Variants in ATP6V0A2 observed in about 807,000 individuals in gnomAD.
ATP6V0A2 encodes V-type proton ATPase 116 kDa subunit a 2.
In ATP6V0A2, 58 loss-of-function variants were observed where a neutral mutation model predicts 104.4. That is an observed-to-expected ratio of 0.56 (90% CI 0.45 to 0.69). The LOEUF (loss-of-function observed/expected upper bound fraction) is 0.69, where lower values mean the gene tolerates loss of function less well. Ranked by LOEUF, ATP6V0A2 falls within the 30% of genes least tolerant of loss-of-function variation. ATP6V0A2 has a pLI of 0.00. For missense variants in ATP6V0A2, 938 were observed against 1,062.9 expected (o/e 0.88, Z 1.63); for synonymous variants, 376 against 397.9 (o/e 0.95, Z 0.65).
Position 123,744,761 on chromosome 12 carries a change from G to C in ATP6V0A2, c.1491G>C (p.Glu497Asp). ...AMYSSSHPPAEHKKMVLWNDS... is the reference protein window; with the variant it reads ...AMYSSSHPPADHKKMVLWNDS... ...ACAGCTCCAGCCACCCACCCGCAGAGCATAAGAAGATGGTGCTTTGGAAGT... is the reference window on the plus strand; with the variant it reads ...ACAGCTCCAGCCACCCACCCGCAGACCATAAGAAGATGGTGCTTTGGAAGT... The change falls in exon 12 of 20, where the codon GAG (glutamate) becomes GAC (aspartate). Residue 497 changes from glutamate to aspartate, a missense_variant. Physicochemically the swap from Glu to Asp is conservative, Grantham distance 45 (BLOSUM62 2). Coordinates refer to ENST00000330342, the MANE Select transcript of ATP6V0A2 (RefSeq NM_012463.4). This position sits in a 1 kb window ranked among gnomAD's most constrained non-coding sequence, Gnocchi z 5.4. 6.2e-7 allele frequency: 1 copy of C among 1,614,166 alleles called. No homozygotes were observed. The highest frequency in any genetic ancestry group is 1.1e-5 in the South Asian group (1 of 91,070).
chr12:123,727,708 C>A, intron 5 of ATP6V0A2, 75 bp from the exon 6 acceptor site: 1 of 1,573,582 alleles, frequency 6.4e-7, no homozygotes, highest in South Asian at 1.1e-5. Context: ...GAAATGAAGT[C>A]TTCATCATTC....
Position 123,751,114 on chromosome 12 carries a change from AT to A in ATP6V0A2, c.1941del (p.Tyr647Ter). The A allele has an allele frequency of 6.2e-7, 1 of 1,614,146 alleles. No homozygotes were observed. The highest frequency in any genetic ancestry group is 8.5e-7 in the Non-Finnish European group (1 of 1,180,018). ...KTSGLYTGQE[Y>X]VQRVLLVVTA... Reference sequence around the variant, plus strand: ...TCTCACCTTCTGCACTAACAGGAGTATGTCCAGAGAGTGCTGCTGGTTGTCA... The same window carrying A: ...TCTCACCTTCTGCACTAACAGGAGTAGTCCAGAGAGTGCTGCTGGTTGTCA... On this transcript the variant is annotated frameshift_variant, in exon 16 of 20. Coordinates refer to ENST00000330342, the MANE Select transcript of ATP6V0A2 (RefSeq NM_012463.4). LOFTEE classifies it high-confidence loss of function.
chr12:123,716,078 T>G (rs914980562), intron 1 of ATP6V0A2, among the ~76,000 whole-genome samples: 6 of 152,144 alleles, frequency 3.9e-5, no homozygotes, highest in African/African-American at 1.4e-4. Flanking sequence ...TTTCTTTTTT[T>G]TTTTTGAGAT....
At chr12:123,719,249 A>G (rs1025134544) in intron 2 of ATP6V0A2, among the ~76,000 whole-genome samples, 2 of 152,192 alleles carry the variant, frequency 1.3e-5, no homozygotes, top group South Asian at 2.1e-4. Context: ...AACCATTTCA[A>G]CTAAGCAGCC....
intron 6 of ATP6V0A2, among the ~76,000 whole-genome samples, chr12:123,730,198 G>A (rs1956489024): frequency 6.6e-6 from 1 of 151,946 alleles, no homozygotes; most frequent in Non-Finnish European, 1.5e-5. Flanking sequence ...GGGACTACAG[G>A]AGGCCGCCAC....
chr12:123,756,307 CTTT>C (rs35956646), intron 18 of ATP6V0A2: 2,992 of 115,570 alleles, frequency 0.026, 93 homozygotes, highest in African/African-American at 0.065. Context: ...AAGAGGGTGT[CTTT>C]TTTTTTTTTT....
At chr12:123,721,148 T>G (rs1956395380) in intron 2 of ATP6V0A2, 1 of 152,350 alleles carries the variant, frequency 6.6e-6, no homozygotes, top group Admixed American at 6.5e-5. Flanking sequence ...CCAAATAAAG[T>G]AGTTAGTTTT....
chr12:123,733,666 C>T (rs1200692308), intron 6 of ATP6V0A2: 2 of 491,908 alleles, frequency 4.1e-6, no homozygotes, highest in Non-Finnish European at 7.4e-6. Context: ...AGAGCGTCAC[C>T]TTGTTGGACT....
At position 123,748,630 on chromosome 12, in the gene ATP6V0A2, A is replaced by C; in HGVS notation, c.1780A>C (p.Met594Leu). ...YLVSIPELLF[M>L]LCIFGYLIFM... ...GGTTTCCATCCCGGAACTTCTCTTC[A>C]TGCTCTGTATCTTTGGATACCTTAT... Residue 594 changes from methionine to leucine, a missense_variant, in exon 15 of 20, where the codon ATG (methionine) becomes CTG (leucine). Met to Leu is a conservative substitution (Grantham distance 15). Coordinates refer to ENST00000330342, the MANE Select transcript of ATP6V0A2 (RefSeq NM_012463.4). 1.2e-6 allele frequency: 2 copies of C among 1,614,134 alleles called. No individual in the cohort carries two copies. Among genetic ancestry groups the C allele is most frequent in the Non-Finnish European group, 1.7e-6 (2 of 1,179,994 alleles).
At position 123,751,137 on chromosome 12, in the gene ATP6V0A2, GT is replaced by G. The variant is rs1346340604; in HGVS notation, c.1964del (p.Val655AlafsTer29). On this transcript the variant is annotated frameshift_variant, in exon 16 of 20. Coordinates refer to ENST00000330342, the MANE Select transcript of ATP6V0A2 (RefSeq NM_012463.4). LOFTEE classifies it high-confidence loss of function. ...GTATGTCCAGAGAGTGCTGCTGGTT[GT>G]CACAGCATTGTCTGTCCCTGTCCTC... ...QEYVQRVLLV[V>X]TALSVPVLFL... The G allele has an allele frequency of 6.2e-7, 1 of 1,614,178 alleles. No homozygotes were observed. Among genetic ancestry groups the G allele is most frequent in the Non-Finnish European group, 8.5e-7 (1 of 1,180,046 alleles).
chr12:123,745,018 C>G (rs776115520), intron 13 of ATP6V0A2, 46 bp downstream of exon 13: 2 of 1,574,348 alleles, frequency 1.3e-6, no homozygotes, highest in East Asian at 4.5e-5. Context: ...CTCTGTGGTG[C>G]CACCTAGCTT....
rs1956792893 is a variant in ATP6V0A2 at position 123,759,754 on chromosome 12, T to C, written c.*1722T>C. 6.6e-6 allele frequency: 1 copy of C among 152,242 alleles called. No homozygotes were observed. The allele number at this position is 152,242 out of a possible 1,614,324, so 9.4% of individuals were successfully genotyped here. ...TTTCAAGGCATGAGCTGAACAGCGTTGACACAGCCGTGACTTACAATTAAA... is the reference window on the plus strand; with the variant it reads ...TTTCAAGGCATGAGCTGAACAGCGTCGACACAGCCGTGACTTACAATTAAA... On this transcript the variant is annotated 3_prime_UTR_variant, in exon 20 of 20. Transcript: ENST00000330342.
intron 1 of ATP6V0A2, among the ~76,000 whole-genome samples, chr12:123,718,018 G>A (rs534653309): frequency 6.6e-6 from 1 of 151,708 alleles, no homozygotes; most frequent in South Asian, 2.1e-4. Flanking sequence ...TCTGCCTCTC[G>A]GGCTCAAGCA....
At chr12:123,743,657 AAAAAAC>A (rs1174142134) in intron 9 of ATP6V0A2, 122 bp from the exon 10 acceptor site, 8 of 1,153,970 alleles carry the variant, frequency 6.9e-6, no homozygotes, top group African/African-American at 3.1e-5. Flanking sequence ...CCGTCTCAAA[AAAAAAC>A]AAAACAAAAC....
At chr12:123,754,270 G>A (rs1325977037) in intron 17 of ATP6V0A2, 150 bp from the exon 18 acceptor site, 8 of 686,370 alleles carry the variant, frequency 1.2e-5, no homozygotes, top group African/African-American at 5.3e-5. Context: ...GAGTGCGTCT[G>A]GGGTTTCTGT....
At chr12:123,748,864 G>C in intron 15 of ATP6V0A2, 79 bp downstream of exon 15, 1 of 1,380,610 alleles carries the variant, frequency 7.2e-7, no homozygotes, top group Admixed American at 1.7e-5. Flanking sequence ...GAAGTGTTGG[G>C]GTGATCTCCA....
intron 9 of ATP6V0A2, 126 bp downstream of exon 9, chr12:123,737,397 T>A (rs780350553): frequency 2.1e-6 from 2 of 952,658 alleles, no homozygotes; most frequent in Admixed American, 2.1e-5. Context: ...ACTCTTCTTT[T>A]GTTTTTTTAA....
intron 1 of ATP6V0A2, 138 bp downstream of exon 1, chr12:123,712,820 C>T (rs987987610): frequency 2.2e-5 from 18 of 813,490 alleles, no homozygotes; most frequent in South Asian, 3.0e-5. Context: ...AAGATGACAC[C>T]CCAGCTCAGC....
rs767641644 is a variant in ATP6V0A2 at position 123,718,610 on chromosome 12, A to G, written c.118-13A>G. The G allele has an allele frequency of 3.8e-6, 6 of 1,599,796 alleles. No individual in the cohort carries two copies. In the South Asian group the frequency reaches 6.7e-5, roughly 18 times the overall value. Reference sequence around the variant, plus strand: ...TTTAGAAATTTAAACCATATTTTTCATCCTTTTCTCAGCTCAACCAGAACG... The same window carrying G: ...TTTAGAAATTTAAACCATATTTTTCGTCCTTTTCTCAGCTCAACCAGAACG... On this transcript the variant is annotated splice_polypyrimidine_tract_variant and intron_variant, in intron 1 of 19. Coordinates refer to ENST00000330342, the MANE Select transcript of ATP6V0A2 (RefSeq NM_012463.4).
Sources: gnomAD v4.1 joint callset for allele counts (sites outside exome capture counted in the v4.1 genomes callset) on GRCh38, gnomAD v4.1.1 for gene constraint, Gnocchi (gnomAD v3.1) non-coding constraint, MANE v1.5 for transcripts, NCBI Gene and HGNC (gene_info 2026-07-23, HGNC 2026-07-21) for gene names.